Variants in SEMA6D observed in about 807,000 individuals in gnomAD.
SEMA6D encodes semaphorin 6D.
Under a neutral mutation model 106.6 loss-of-function variants are expected in SEMA6D, and 35 were observed. That is an observed-to-expected ratio of 0.33 (90% CI 0.25 to 0.44). The LOEUF is 0.44. SEMA6D is among the 20% of genes least tolerant of loss of function. The pLI, the probability that SEMA6D is intolerant of heterozygous loss-of-function variation, is 1.00. For missense variants in SEMA6D, 1,185 were observed against 1,345.9 expected, an observed-to-expected ratio of 0.88 and a Z score of 1.87; for synonymous variants, 499 against 487.7, an observed-to-expected ratio of 1.02 and a Z score of -0.31.
chr15:47,713,756 G>A (rs2079062272), upstream of SEMA6D, among the ~76,000 whole-genome samples: 1 of 152,186 alleles, frequency 6.6e-6, no homozygotes, highest in Admixed American at 6.5e-5. Context: ...AGTGAGTGGT[G>A]TGTGTATCAG....
At chr15:47,530,069 G>A (rs909968423) in intron 3 of SEMA6D, among the ~76,000 whole-genome samples, 2 of 152,174 alleles carry the variant, frequency 1.3e-5, no homozygotes, top group East Asian at 1.9e-4. Flanking sequence ...CAGTCAGGAC[G>A]GAAGCAAAGG....
intron 4 of SEMA6D, among the ~76,000 whole-genome samples, chr15:47,706,667 T>G (rs1016850189): frequency 6.6e-6 from 1 of 152,188 alleles, no homozygotes; most frequent in Non-Finnish European, 1.5e-5. Context: ...AGATTTCTCA[T>G]TTGCTTTCCT....
Position 47,771,021 on chromosome 15 carries a change from A to G in SEMA6D, c.2458A>G (p.Ser820Gly). Residue 820 changes from serine to glycine, a missense_variant, in exon 19 of 19, where the codon AGT becomes GGT. Physicochemically the swap from Ser to Gly is moderately conservative, Grantham distance 56. Coordinates refer to ENST00000536845, the MANE Select transcript of SEMA6D (RefSeq NM_001358351.3). ...TAGTCCGCCACCTCATTCCCCATTA[A>G]GTCATGGGCATATCCCCAGTGCCAT... ...PSSPPPHSPL[S>G]HGHIPSAIVL... 1 of 1,614,104 alleles carries G rather than the reference A, an allele frequency of 6.2e-7. No individual in the cohort carries two copies. The highest frequency in any genetic ancestry group is 8.5e-7 in the Non-Finnish European group (1 of 1,179,994).
intron 3 of SEMA6D, among the ~76,000 whole-genome samples, chr15:47,489,294 A>G (rs1368132948): frequency 6.6e-6 from 1 of 152,212 alleles, no homozygotes; most frequent in Non-Finnish European, 1.5e-5. Flanking sequence ...CCTTGATGTC[A>G]GATTTCTGGT....
chr15:47,718,792 C>G (rs1000354834), intron 1 of SEMA6D: 1 of 152,274 alleles, frequency 6.6e-6, no homozygotes, highest in Admixed American at 6.5e-5. Flanking sequence ...GCCCCTTCTC[C>G]GGCAACGAGA....
intron 3 of SEMA6D, among the ~76,000 whole-genome samples, chr15:47,508,591 A>G (rs1304432750): frequency 6.6e-6 from 1 of 152,256 alleles, no homozygotes; most frequent in Non-Finnish European, 1.5e-5. Flanking sequence ...CACATCATAG[A>G]TACTCAATAA....
At chr15:47,261,137 A>G (rs954087197) in intron 1 of SEMA6D, among the ~76,000 whole-genome samples, 1 of 152,108 alleles carries the variant, frequency 6.6e-6, no homozygotes, top group Non-Finnish European at 1.5e-5. Context: ...AGCTAGTGCT[A>G]TTTTTAATTG....
chr15:47,472,051 C>T (rs567212130), intron 3 of SEMA6D, among the ~76,000 whole-genome samples: 38 of 151,992 alleles, frequency 2.5e-4, no homozygotes, highest in African/African-American at 6.0e-4. Flanking sequence ...GACACAAATA[C>T]TTTATCCTTG....
chr15:47,584,227 A>G (rs1205449321), intron 3 of SEMA6D, among the ~76,000 whole-genome samples: 2 of 152,204 alleles, frequency 1.3e-5, no homozygotes, highest in Non-Finnish European at 2.9e-5. Context: ...GTTCGAGACC[A>G]GCCTGACCAA....
intron 1 of SEMA6D, among the ~76,000 whole-genome samples, chr15:47,202,578 G>A (rs1162369772): frequency 6.6e-6 from 1 of 152,148 alleles, no homozygotes; most frequent in Non-Finnish European, 1.5e-5. Context: ...CAAGACCCTG[G>A]AAGTATGTCA....
intron 2 of SEMA6D, among the ~76,000 whole-genome samples, chr15:47,448,720 A>G (rs1478936215): frequency 1.3e-5 from 2 of 152,106 alleles, no homozygotes; most frequent in Non-Finnish European, 2.9e-5. Flanking sequence ...AGTGTTGCCT[A>G]CAAGAGCATC....
At position 47,371,863 on chromosome 15, in the gene SEMA6D, A is replaced by G. The variant is rs557763676; in HGVS notation, c.-238-40530A>G. Among the ~76,000 whole-genome samples, 4 of 152,340 alleles carry G rather than the reference A, an allele frequency of 2.6e-5. No individual in the cohort carries two copies. In the South Asian group the frequency reaches 8.3e-4, roughly 32 times the overall value. On this transcript the variant is annotated intron_variant, in intron 1 of 19. Transcript: ENST00000558014. ...CAGGCCTATGCTGAATGCTTTACAA[A>G]TATTTTCTCATTGATGACAACCATG...
chr15:47,208,865 C>G (rs867757550), intron 1 of SEMA6D, among the ~76,000 whole-genome samples: 1 of 152,076 alleles, frequency 6.6e-6, no homozygotes, highest in Non-Finnish European at 1.5e-5. Context: ...GGGTTGACCT[C>G]TTGGGATAAC....
chr15:47,687,773 A>G (rs2078500363), intron 4 of SEMA6D, among the ~76,000 whole-genome samples: 1 of 152,098 alleles, frequency 6.6e-6, no homozygotes. Context: ...AAGCAACCAG[A>G]TGTGGTAAGT....
chr15:47,262,896 C>A (rs186226739), intron 1 of SEMA6D, among the ~76,000 whole-genome samples: 15 of 151,918 alleles, frequency 9.9e-5, no homozygotes, highest in Non-Finnish European at 1.9e-4. Flanking sequence ...TAAGGTCATA[C>A]ACCTACAACT....
intron 1 of SEMA6D, among the ~76,000 whole-genome samples, chr15:47,361,683 G>A (rs1019266249): frequency 6.6e-6 from 1 of 152,198 alleles, no homozygotes; most frequent in African/African-American, 2.4e-5. Context: ...TTGAGGAACA[G>A]ATGATGAGAG....
intron 3 of SEMA6D, among the ~76,000 whole-genome samples, chr15:47,485,220 A>G (rs2043263784): frequency 6.6e-6 from 1 of 152,202 alleles, no homozygotes; most frequent in African/African-American, 2.4e-5. Flanking sequence ...ATGACCTGCA[A>G]GGCAGGCACA....
At chr15:47,559,317 T>G (rs911043911) in intron 3 of SEMA6D, among the ~76,000 whole-genome samples, 1 of 152,054 alleles carries the variant, frequency 6.6e-6, no homozygotes, top group Non-Finnish European at 1.5e-5. Context: ...GAAACAATCA[T>G]TTAATACTCT....
chr15:47,227,438 T>TTTCCTTCTTTCTTTC (rs374904188), intron 1 of SEMA6D, among the ~76,000 whole-genome samples: 3 of 77,666 alleles, frequency 3.9e-5, no homozygotes, highest in Non-Finnish European at 7.7e-5. Context: ...TCTTTCTTTC[T>TTTCCTTCTTTCTTTC]TTTCTTTCTT....
Sources: gnomAD v4.1 joint callset for allele counts (sites outside exome capture counted in the v4.1 genomes callset) on GRCh38, gnomAD v4.1.1 for gene constraint, MANE v1.5 for transcripts, NCBI Gene and HGNC (gene_info 2026-07-23, HGNC 2026-07-21) for gene names.